Variants in MNAT1 observed in about 807,000 individuals in gnomAD.
MNAT1 encodes MNAT1 component of CDK activating kinase, also known as CDK-activating kinase assembly factor MAT1.
MNAT1 carries 43 observed loss-of-function variants against 42.0 expected under a neutral mutation model. The observed-to-expected ratio is 1.02, with a 90% CI of 0.80 to 1.32. The LOEUF is 1.32. Ranked by LOEUF, MNAT1 falls within the 40% of genes most tolerant of loss-of-function variation. The pLI is 0.00. For synonymous variants in MNAT1, 118 were observed against 120.0 expected, an observed-to-expected ratio of 0.98 and a Z score of 0.11; for missense variants, 306 against 350.4, an observed-to-expected ratio of 0.87 and a Z score of 1.01.
chr14:60,885,751 G>T (rs2034654475), intron 7 of MNAT1, among the ~76,000 whole-genome samples: 1 of 151,840 alleles, frequency 6.6e-6, no homozygotes, highest in South Asian at 2.1e-4. Context: ...TTCCTTTGTT[G>T]TCTAGAGCTT....
At chr14:60,816,369 A>C (rs1365081105) in intron 5 of MNAT1, among the ~76,000 whole-genome samples, 1 of 152,088 alleles carries the variant, frequency 6.6e-6, no homozygotes, top group South Asian at 2.1e-4. Context: ...TGGCTTATTA[A>C]ATCTTTTTAT....
chr14:60,734,782 T>C lies in MNAT1; in HGVS notation c.-81T>C. 1 of 1,341,010 alleles carries C rather than the reference T, an allele frequency of 7.5e-7. No homozygotes were observed. Among genetic ancestry groups the C allele is most frequent in the Non-Finnish European group, 1.1e-6 (1 of 938,246 alleles). The allele number at this position is 1,341,010 out of a possible 1,614,324, so 83.1% of individuals were successfully genotyped here. A position where few individuals can be genotyped will look rare whatever the true frequency, so the allele number is the denominator to read the frequency against. ...TGCCAAGCGCCTGTTGGTAGGAACC[T>C]GCTTGGTCGCGTCTGAGGGGGCTTG... On this transcript the variant is annotated 5_prime_UTR_variant, in exon 1 of 8. Transcript: ENST00000261245. The surrounding 1 kb of genome is among the most constrained non-coding windows in gnomAD (Gnocchi z 4.3).
chr14:60,879,289 G>T (rs192760206), intron 6 of MNAT1, among the ~76,000 whole-genome samples: 45 of 152,188 alleles, frequency 3.0e-4, no homozygotes, highest in African/African-American at 1.1e-3. Flanking sequence ...ATGGTCTTAT[G>T]CTTCTTTGTG....
intron 1 of MNAT1, among the ~76,000 whole-genome samples, chr14:60,746,928 A>ATATATATT (rs1896645455): frequency 2.7e-4 from 1 of 3,772 alleles, no homozygotes; most frequent in African/African-American, 4.0e-4. Context: ...ATATATACAC[A>ATATATATT]CACACACACA....
At chr14:60,929,835 A>G (rs1566563420) in intron 7 of MNAT1, among the ~76,000 whole-genome samples, 2 of 152,186 alleles carry the variant, frequency 1.3e-5, no homozygotes, top group Non-Finnish European at 2.9e-5. Flanking sequence ...AAATTTTGAA[A>G]TAAGTATTTA....
At chr14:60,861,051 C>CT (rs557829067) in intron 6 of MNAT1, among the ~76,000 whole-genome samples, 35 of 151,426 alleles carry the variant, frequency 2.3e-4, no homozygotes, top group African/African-American at 3.9e-4. Flanking sequence ...GATCTTGAGG[C>CT]TTTTTTTTAC....
At chr14:60,854,562 C>T (rs548815310) in intron 6 of MNAT1, among the ~76,000 whole-genome samples, 15 of 152,278 alleles carry the variant, frequency 9.9e-5, no homozygotes, top group South Asian at 2.1e-4. Context: ...GTCCCTTCTT[C>T]GGCAGGTCTG....
chr14:60,950,485 T>C (rs1020314554), intron 7 of MNAT1, among the ~76,000 whole-genome samples: 1 of 152,362 alleles, frequency 6.6e-6, no homozygotes, highest in African/African-American at 2.4e-5. Context: ...GTGACTGATA[T>C]ATACTCTAGC....
At chr14:60,880,846 A>G (rs891274688) in intron 7 of MNAT1, among the ~76,000 whole-genome samples, 1 of 152,198 alleles carries the variant, frequency 6.6e-6, no homozygotes, top group Non-Finnish European at 1.5e-5. Flanking sequence ...CAGGATGTAA[A>G]ACAACCTAAA....
chr14:60,792,343 A>G (rs2031855536), intron 1 of MNAT1, among the ~76,000 whole-genome samples: 1 of 152,182 alleles, frequency 6.6e-6, no homozygotes, highest in African/African-American at 2.4e-5. Flanking sequence ...ACTTCAATCA[A>G]TATTTTCTTG....
At chr14:60,817,761 A>G (rs1234721350) in intron 5 of MNAT1, among the ~76,000 whole-genome samples, 1 of 152,044 alleles carries the variant, frequency 6.6e-6, no homozygotes. Context: ...TCACTATTTT[A>G]ACATCTATAG....
At chr14:60,960,073 T>C (rs2036561171) in intron 7 of MNAT1, among the ~76,000 whole-genome samples, 1 of 152,218 alleles carries the variant, frequency 6.6e-6, no homozygotes, top group Non-Finnish European at 1.5e-5. Flanking sequence ...ATTTGGTTGT[T>C]TCTGTTGTTC....
chr14:60,842,659 A>T (rs950281968), intron 6 of MNAT1, among the ~76,000 whole-genome samples: 1 of 152,190 alleles, frequency 6.6e-6, no homozygotes, highest in Non-Finnish European at 1.5e-5. Context: ...GTTGTTTTGT[A>T]TATCAAGAAT....
At chr14:60,958,202 T>C (rs2036520027) in intron 7 of MNAT1, among the ~76,000 whole-genome samples, 1 of 152,210 alleles carries the variant, frequency 6.6e-6, no homozygotes, top group African/African-American at 2.4e-5. Flanking sequence ...TTGCATTTCT[T>C]GTAACACAAG....
At chr14:60,811,298 CTTTTTTTTTTTT>C (rs569520885) in intron 4 of MNAT1, among the ~76,000 whole-genome samples, 1 of 80,322 alleles carries the variant, frequency 1.2e-5, no homozygotes, top group Non-Finnish European at 2.5e-5. Flanking sequence ...TCTATTCTTT[CTTTTTTTTTTTT>C]TTTTTTTTTT....
chr14:60,847,503 T>A (rs2033711647), intron 6 of MNAT1, among the ~76,000 whole-genome samples: 1 of 152,206 alleles, frequency 6.6e-6, no homozygotes, highest in Non-Finnish European at 1.5e-5. Context: ...ACTTTTGCTT[T>A]CAACCTATTT....
chr14:60,800,652 A>G (rs2032173751), intron 3 of MNAT1, among the ~76,000 whole-genome samples: 2 of 152,244 alleles, frequency 1.3e-5, no homozygotes, highest in South Asian at 4.1e-4. Flanking sequence ...ATTAAGTTAG[A>G]GAATGACTAT....
intron 6 of MNAT1, among the ~76,000 whole-genome samples, chr14:60,835,857 C>G (rs2033376659): frequency 6.6e-6 from 1 of 152,206 alleles, no homozygotes. Context: ...CTTTCCGTCA[C>G]TTTCAGGTAC....
At chr14:60,892,326 AT>A (rs1220091058) in intron 7 of MNAT1, among the ~76,000 whole-genome samples, 1 of 152,146 alleles carries the variant, frequency 6.6e-6, no homozygotes, top group African/African-American at 2.4e-5. Flanking sequence ...GTAAGTAAAT[AT>A]TTTAACTAAT....
Sources: gnomAD v4.1 joint callset for allele counts (sites outside exome capture counted in the v4.1 genomes callset) on GRCh38, gnomAD v4.1.1 for gene constraint, Gnocchi (gnomAD v3.1) non-coding constraint, MANE v1.5 for transcripts, NCBI Gene and HGNC (gene_info 2026-07-23, HGNC 2026-07-21) for gene names.